RNF10: variants seen among roughly 807,000 people sequenced by gnomAD.
RNF10 encodes the protein ring finger protein 10.
A neutral mutation model predicts 91.4 loss-of-function variants in RNF10; 38 were observed. That is an observed-to-expected ratio of 0.42 (90% CI 0.32 to 0.54). The LOEUF is 0.54. Among genes scored for constraint, RNF10 ranks in the 20% least tolerant of loss-of-function variants. RNF10 has a pLI of 0.16. For missense variants in RNF10, 945 were observed against 1,012.0 expected, an observed-to-expected ratio of 0.93 and a Z score of 0.90; for synonymous variants, 364 against 366.3, an observed-to-expected ratio of 0.99 and a Z score of 0.07.
chr12:120,546,366 C>T (rs761708696), intron 1 of RNF10, 39 bp from the exon 2 acceptor site: 2 of 1,577,784 alleles, frequency 1.3e-6, no homozygotes, highest in Non-Finnish European at 1.7e-6. Flanking sequence ...GTGAATGTAT[C>T]AGCTTCTTAA....
At chr12:120,539,586 A>C in intron 1 of RNF10, 1 of 424,674 alleles carries the variant, frequency 2.4e-6, no homozygotes, top group Non-Finnish European at 4.5e-6. Context: ...GATGCCAAGT[A>C]ATTTAACTGT....
intron 13 of RNF10, among the ~76,000 whole-genome samples, chr12:120,567,288 A>C (rs1007467244): frequency 6.6e-6 from 1 of 152,066 alleles, no homozygotes; most frequent in Non-Finnish European, 1.5e-5. Context: ...CTGTATGCCT[A>C]AACATCTTTG....
In RNF10 at chr12:120,575,610, ACTT is replaced by A. The variant is rs1565975810; in HGVS notation, c.2143-17_2143-15del. The A allele has an allele frequency of 1.9e-6, 3 of 1,614,068 alleles. No homozygotes were observed. The highest frequency in any genetic ancestry group is 1.7e-6 in the Non-Finnish European group (2 of 1,179,996). ...ACCAGCTACTTAAATTCTCTCCCCCACTTCTTTCCCACTTTGGCAGATGCTGAG... is the reference window on the plus strand; with the variant it reads ...ACCAGCTACTTAAATTCTCTCCCCCACTTTCCCACTTTGGCAGATGCTGAG... On this transcript the variant is annotated intron_variant, in intron 14 of 16. Coordinates refer to ENST00000325954, the MANE Select transcript of RNF10 (RefSeq NM_014868.5).
At chr12:120,557,094 A>G (rs1439029679) in intron 4 of RNF10, among the ~76,000 whole-genome samples, 188 bp from the exon 5 acceptor site, 1 of 151,766 alleles carries the variant, frequency 6.6e-6, no homozygotes, top group African/African-American at 2.4e-5. Context: ...TCAAAAAAAA[A>G]AAAAAAAGAA....
chr12:120,555,257 C>T (rs868441928), intron 4 of RNF10, among the ~76,000 whole-genome samples: 4 of 152,200 alleles, frequency 2.6e-5, no homozygotes, highest in Admixed American at 2.0e-4. Context: ...TCTTGGCTCA[C>T]TGCAACCTCT....
intron 1 of RNF10, among the ~76,000 whole-genome samples, chr12:120,541,074 C>G (rs1871490735): frequency 2.0e-5 from 3 of 152,116 alleles, no homozygotes; most frequent in South Asian, 2.1e-4. Context: ...TCAGGCTGGT[C>G]TCGAACTCCC....
chr12:120,554,662 A>G (rs917160496), intron 3 of RNF10, 56 bp from the exon 4 acceptor site: 16 of 1,335,420 alleles, frequency 1.2e-5, no homozygotes, highest in Non-Finnish European at 1.7e-5. Context: ...ATTTCTGCTG[A>G]GGGTTTATTG....
intron 2 of RNF10, among the ~76,000 whole-genome samples, chr12:120,551,785 G>A (rs1408366855): frequency 2.6e-5 from 4 of 152,094 alleles, no homozygotes; most frequent in South Asian, 4.2e-4. Flanking sequence ...GTGCATTACC[G>A]TTGCCTAGCT....
At chr12:120,541,167 C>T (rs1871507756) in intron 1 of RNF10, among the ~76,000 whole-genome samples, 1 of 152,080 alleles carries the variant, frequency 6.6e-6, no homozygotes, top group African/African-American at 2.4e-5. Flanking sequence ...ATTTTACTTT[C>T]TTAATAAGCC....
At chr12:120,564,148 GT>G (rs778514412) in intron 10 of RNF10, among the ~76,000 whole-genome samples, 4 of 152,144 alleles carry the variant, frequency 2.6e-5, no homozygotes, top group Non-Finnish European at 4.4e-5. Flanking sequence ...AGTTAATGCT[GT>G]TCCCTGCTTC....
chr12:120,569,921 GTCTC>G (rs1176980502), intron 13 of RNF10, among the ~76,000 whole-genome samples: 1 of 151,580 alleles, frequency 6.6e-6, no homozygotes, highest in Admixed American at 6.6e-5. Flanking sequence ...GATGGAGTCT[GTCTC>G]TCTGTCGCCC....
At chr12:120,564,968 G>C in intron 10 of RNF10, 104 bp from the exon 11 acceptor site, 2 of 748,804 alleles carry the variant, frequency 2.7e-6, no homozygotes, top group Non-Finnish European at 4.8e-6. Flanking sequence ...TCCAGCCCCA[G>C]TGCTGGCTGT....
At position 120,534,702 on chromosome 12, in the gene RNF10, G is replaced by A. The variant is rs1593034535; in HGVS notation, c.-110G>A. The A allele has an allele frequency of 5.0e-6, 7 of 1,397,526 alleles. No homozygotes were observed. The highest frequency in any genetic ancestry group is 3.7e-6 in the Non-Finnish European group (4 of 1,087,008). 86.6% of individuals were successfully genotyped at this position (1,397,526 alleles called of 1,614,324 possible). A position where few individuals can be genotyped will look rare whatever the true frequency, so the allele number is the denominator to read the frequency against. ...AAACAGGGAAAAATGTCGCCATGAA[G>A]GCCGAGAACCGCTGCCGCCGCCGAC... On this transcript the variant is annotated 5_prime_UTR_variant, in exon 1 of 17. Coordinates refer to ENST00000325954, the MANE Select transcript of RNF10 (RefSeq NM_014868.5).
intron 2 of RNF10, among the ~76,000 whole-genome samples, chr12:120,548,161 A>G (rs1246321643): frequency 6.6e-6 from 1 of 152,192 alleles, no homozygotes; most frequent in African/African-American, 2.4e-5. Flanking sequence ...TTCAGTTTGG[A>G]AATGTTATAT....
At chr12:120,541,244 G>A (rs754506539) in intron 1 of RNF10, among the ~76,000 whole-genome samples, 2 of 152,186 alleles carry the variant, frequency 1.3e-5, no homozygotes, top group Non-Finnish European at 2.9e-5. Context: ...GAAAGCAGCA[G>A]TTAGGGTCAA....
chr12:120,551,461 G>GTT (rs1374678392), intron 2 of RNF10, among the ~76,000 whole-genome samples: 1 of 145,340 alleles, frequency 6.9e-6, no homozygotes, highest in Non-Finnish European at 1.5e-5. Flanking sequence ...CACCCGGCTA[G>GTT]TTTTTTTTTT....
chr12:120,570,254 T>C (rs1217993289), intron 13 of RNF10: 1 of 146,618 alleles, frequency 6.8e-6, no homozygotes, highest in African/African-American at 2.5e-5. Context: ...TGGCACGATC[T>C]CGGTTCACTG....
intron 1 of RNF10, among the ~76,000 whole-genome samples, chr12:120,543,646 A>T (rs1490885659): frequency 6.6e-6 from 1 of 152,158 alleles, no homozygotes; most frequent in Non-Finnish European, 1.5e-5. Flanking sequence ...TATCAAAAAT[A>T]TAAATTAAGC....
intron 7 of RNF10, 68 bp from the exon 8 acceptor site, chr12:120,562,877 C>T (rs1294145980): frequency 6.2e-7 from 1 of 1,604,058 alleles, no homozygotes; most frequent in African/African-American, 1.3e-5. Context: ...ATTCTAAGCC[C>T]TTGCCCTTCA....
Sources: allele counts gnomAD v4.1 joint callset (sites outside exome capture counted in the v4.1 genomes callset), GRCh38; gene constraint gnomAD v4.1.1; transcripts MANE v1.5; gene names NCBI Gene and HGNC (gene_info 2026-07-23, HGNC 2026-07-21).